ESD: variants seen among roughly 807,000 people sequenced by gnomAD.
ESD encodes the protein esterase D, also known as S-formylglutathione hydrolase.
ESD carries 34 observed loss-of-function variants against 38.1 expected under a neutral mutation model. That is an observed-to-expected ratio of 0.89 (90% CI 0.68 to 1.19). The LOEUF (loss-of-function observed/expected upper bound fraction) is 1.19. Among genes scored for constraint, ESD ranks in the 50% most tolerant of loss-of-function variants. ESD has a pLI of 0.00. For synonymous variants in ESD, 97 were observed against 107.0 expected, an observed-to-expected ratio of 0.91 and a Z score of 0.58; for missense variants, 334 against 327.2, an observed-to-expected ratio of 1.02 and a Z score of -0.16.
intron 7 of ESD, 59 bp from the exon 8 acceptor site, chr13:46,780,092 G>C (rs1374362013): frequency 4.4e-6 from 5 of 1,142,296 alleles, no homozygotes; most frequent in Non-Finnish European, 5.0e-6. Flanking sequence ...AATATGAATA[G>C]ATATTTGCAA....
chr13:46,787,221 A>G (rs1875224487), intron 3 of ESD, 112 bp from the exon 4 acceptor site: 2 of 523,916 alleles, frequency 3.8e-6, no homozygotes, highest in Non-Finnish European at 6.4e-6. Context: ...GGTCCAAAAT[A>G]AGTTATTTAA....
intron 3 of ESD, among the ~76,000 whole-genome samples, chr13:46,788,518 T>C (rs2138300377): frequency 6.6e-6 from 1 of 152,164 alleles, no homozygotes; most frequent in East Asian, 1.9e-4. Context: ...CCTTAAGACC[T>C]TTCTTGCACA....
At chr13:46,791,287 A>G (rs1185665216) in intron 3 of ESD, 59 bp downstream of exon 3, 6 of 1,310,542 alleles carry the variant, frequency 4.6e-6, no homozygotes, top group Non-Finnish European at 6.5e-6. Context: ...TGGTTTTAAA[A>G]TAGAACAAAA....
chr13:46,781,134 C>T (rs1216976322), intron 7 of ESD, among the ~76,000 whole-genome samples: 4 of 151,422 alleles, frequency 2.6e-5, no homozygotes, highest in African/African-American at 9.7e-5. Context: ...CAAAGACATC[C>T]CTGGTAAGAA....
At chr13:46,780,650 C>T (rs1272682593) in intron 7 of ESD, among the ~76,000 whole-genome samples, 1 of 151,524 alleles carries the variant, frequency 6.6e-6, no homozygotes, top group Non-Finnish European at 1.5e-5. Context: ...TGATAGACTG[C>T]CTTAAAAAAT....
In ESD at chr13:46,784,158, TA is replaced by T. The variant is rs1875107462; in HGVS notation, c.256+93del. On this transcript the variant is annotated intron_variant, in intron 5 of 9. Transcript: ENST00000378720. The stretch of plus-strand genomic sequence containing the variant: ...GTTAATAGAGATAACAGCAAAAATA[TA>T]AAATGAATTGTATAATGTATATATC... The T allele has an allele frequency of 3.3e-5, 32 of 956,706 alleles. 1 individual carries two copies. The South Asian group carries it at 5.1e-4, about 15-fold the overall frequency. 59.3% of individuals were successfully genotyped at this position (956,706 alleles called of 1,614,324 possible).
At chr13:46,782,596 G>C in intron 6 of ESD, 71 bp downstream of exon 6, 3 of 1,530,054 alleles carry the variant, frequency 2.0e-6, no homozygotes, top group Admixed American at 3.6e-5. Flanking sequence ...CCTCAGGATT[G>C]TAAGGACTTT....
At chr13:46,777,399 A>C (rs1874833168) in intron 9 of ESD, 57 bp downstream of exon 9, 2 of 1,306,402 alleles carry the variant, frequency 1.5e-6, no homozygotes, top group Admixed American at 4.5e-5. Context: ...ATATCACAGA[A>C]TCCTAATTTT....
chr13:46,780,676 T>C (rs1201919892), intron 7 of ESD, among the ~76,000 whole-genome samples: 1 of 151,686 alleles, frequency 6.6e-6, no homozygotes, highest in East Asian at 1.9e-4. Context: ...TAAAAGTGCT[T>C]ACTTAGAAAG....
chr13:46,796,076 G>A (rs1246986313), intron 1 of ESD, among the ~76,000 whole-genome samples: 1 of 152,058 alleles, frequency 6.6e-6, no homozygotes, highest in African/African-American at 2.4e-5. Context: ...ACCTTCACAT[G>A]GCTCTAAATA....
intron 5 of ESD, 94 bp downstream of exon 5, chr13:46,784,158 T>A: frequency 1.0e-6 from 1 of 956,708 alleles, no homozygotes. Flanking sequence ...AGCAAAAATA[T>A]AAAATGAATT....
chr13:46,786,752 A>C (rs1875206668), intron 4 of ESD, among the ~76,000 whole-genome samples: 1 of 151,970 alleles, frequency 6.6e-6, no homozygotes, highest in Admixed American at 6.6e-5. Context: ...AAATTAAGTA[A>C]ATAAGTTTTC....
chr13:46,795,351 T>A (rs929627027), intron 1 of ESD, among the ~76,000 whole-genome samples: 4 of 152,226 alleles, frequency 2.6e-5, no homozygotes, highest in Admixed American at 2.0e-4. Context: ...GAATTGTTAG[T>A]CATTTTTATT....
rs145881943 is a variant in ESD at position 46,781,162 on chromosome 13, G to A, written c.501+334C>T. ...GGTAAGAATATAAATGATAGATCCT[G>A]CCACTATAACATTAATCAGTAATAA... On this transcript the variant is annotated intron_variant, in intron 7 of 9. Transcript: ENST00000378720. Among the ~76,000 whole-genome samples, 319 of 151,716 alleles carry A rather than the reference G, an allele frequency of 2.1e-3. 2 individuals are homozygous for A. The highest frequency in any genetic ancestry group is 6.9e-3 in the African/African-American group (286 of 41,464).
chr13:46,781,644 G>C, intron 6 of ESD, 29 bp from the exon 7 acceptor site: 1 of 1,582,584 alleles, frequency 6.3e-7, no homozygotes, highest in Non-Finnish European at 8.6e-7. Flanking sequence ...TGTGACAAAA[G>C]ATATCAAAGA....
At chr13:46,780,270 A>T (rs1874954250) in intron 7 of ESD, among the ~76,000 whole-genome samples, 1 of 151,700 alleles carries the variant, frequency 6.6e-6, no homozygotes, top group South Asian at 2.1e-4. Context: ...TATAGTTGCT[A>T]AAATAATGCA....
intron 4 of ESD, 55 bp from the exon 5 acceptor site, chr13:46,784,405 T>C (rs8192889): frequency 0.45 from 546,682 of 1,217,480 alleles, 125,864 homozygotes; most frequent in African/African-American, 0.48. Context: ...ATGTGCACCA[T>C]TAATACTGGG....
intron 9 of ESD, among the ~76,000 whole-genome samples, chr13:46,772,313 T>C (rs564641794): frequency 1.8e-4 from 27 of 152,264 alleles, no homozygotes; most frequent in African/African-American, 6.5e-4. Context: ...TTTAAAACCA[T>C]TGTTGTAGGT....
chr13:46,774,209 G>A (rs571425726), intron 9 of ESD, among the ~76,000 whole-genome samples: 1 of 151,988 alleles, frequency 6.6e-6, no homozygotes, highest in Non-Finnish European at 1.5e-5. Context: ...TGCAAGACAA[G>A]ACATCTAAAA....
Sources: gnomAD v4.1 joint callset for allele counts (sites outside exome capture counted in the v4.1 genomes callset) on GRCh38, gnomAD v4.1.1 for gene constraint, MANE v1.5 for transcripts, NCBI Gene and HGNC (gene_info 2026-07-23, HGNC 2026-07-21) for gene names.